DNAJC5B: variants seen among roughly 807,000 people sequenced by gnomAD.
The protein encoded by DNAJC5B is dnaJ homolog subfamily C member 5B.
Under a neutral mutation model 24.7 loss-of-function variants are expected in DNAJC5B, and 23 were observed. The ratio of observed to expected loss-of-function variants is 0.93; its 90% CI spans 0.67 to 1.32. The LOEUF is 1.32. DNAJC5B is among the 40% of genes most tolerant of loss of function. The pLI, the probability that DNAJC5B is intolerant of heterozygous loss-of-function variation, is 0.00. For synonymous variants in DNAJC5B, 101 were observed against 90.1 expected (o/e 1.12, Z -0.68); for missense variants, 238 against 240.8 (o/e 0.99, Z 0.08).
chr8:66,060,784 G>A (rs562910168), intron 3 of DNAJC5B, among the ~76,000 whole-genome samples: 1 of 152,298 alleles, frequency 6.6e-6, no homozygotes, highest in South Asian at 2.1e-4. Context: ...ACTATCAATG[G>A]CTTTATACCA....
chr8:66,020,347 T>C (rs1242374897), upstream of DNAJC5B, among the ~76,000 whole-genome samples: 3 of 152,236 alleles, frequency 2.0e-5, no homozygotes, highest in Non-Finnish European at 4.4e-5. Context: ...ATGTTATTGG[T>C]ATTATGAAAG....
chr8:66,065,171 T>C (rs1016477385), intron 3 of DNAJC5B, among the ~76,000 whole-genome samples: 2 of 152,244 alleles, frequency 1.3e-5, no homozygotes, highest in Non-Finnish European at 2.9e-5. Flanking sequence ...ACCAATTCTC[T>C]GAAACAGATC....
At chr8:66,070,308 C>T (rs1369740791) in intron 3 of DNAJC5B, among the ~76,000 whole-genome samples, 2 of 152,160 alleles carry the variant, frequency 1.3e-5, no homozygotes, top group African/African-American at 2.4e-5. Flanking sequence ...ATTTAGAAAA[C>T]CCCATTGTCT....
At chr8:66,052,407 A>G (rs117230494) in intron 3 of DNAJC5B, among the ~76,000 whole-genome samples, 4,954 of 152,266 alleles carry the variant, frequency 0.033, 120 homozygotes, top group Middle Eastern at 0.082. Context: ...CAAGTTAGCT[A>G]TTTTTGGAAA....
At chr8:66,050,934 CAGT>C (rs898907510) in intron 2 of DNAJC5B, among the ~76,000 whole-genome samples, 1 of 152,194 alleles carries the variant, frequency 6.6e-6, no homozygotes, top group African/African-American at 2.4e-5. Flanking sequence ...TTAGCATACA[CAGT>C]AGCTCATTTC....
At chr8:66,054,810 C>G (rs1015596379) in intron 3 of DNAJC5B, among the ~76,000 whole-genome samples, 2 of 152,168 alleles carry the variant, frequency 1.3e-5, no homozygotes, top group Admixed American at 1.3e-4. Context: ...CTGCCCACAC[C>G]TGTTGGTGGA....
chr8:66,076,259 T>C (rs1807458900), intron 3 of DNAJC5B, among the ~76,000 whole-genome samples: 1 of 152,226 alleles, frequency 6.6e-6, no homozygotes, highest in Non-Finnish European at 1.5e-5. Context: ...GTTCTGTTAA[T>C]TCTGGAAAAT....
At chr8:66,016,860 C>T (rs1478688303), upstream of DNAJC5B, among the ~76,000 whole-genome samples, 3 of 152,114 alleles carry the variant, frequency 2.0e-5, no homozygotes, top group African/African-American at 7.2e-5. Flanking sequence ...AAAGTTAGAC[C>T]AATATTAGCA....
intron 3 of DNAJC5B, among the ~76,000 whole-genome samples, chr8:66,058,384 T>C (rs896250208): frequency 2.0e-5 from 3 of 152,334 alleles, no homozygotes; most frequent in African/African-American, 7.2e-5. Context: ...TGGTTCCTGA[T>C]CCCTTTTCCA....
chr8:66,047,324 C>A (rs1177860891), intron 2 of DNAJC5B, among the ~76,000 whole-genome samples: 5 of 152,184 alleles, frequency 3.3e-5, no homozygotes, highest in Non-Finnish European at 7.3e-5. Context: ...TCTCTGCCTG[C>A]CCATGTCTGC....
chr8:66,087,712 A>T (rs1002813234), intron 5 of DNAJC5B, among the ~76,000 whole-genome samples: 6 of 152,250 alleles, frequency 3.9e-5, no homozygotes, highest in African/African-American at 1.4e-4. Context: ...CTGGCTGGGC[A>T]GTCATTAAAT....
chr8:66,039,570 G>A (rs1012925270), intron 1 of DNAJC5B, among the ~76,000 whole-genome samples: 17 of 152,086 alleles, frequency 1.1e-4, no homozygotes, highest in Middle Eastern at 3.4e-3. Flanking sequence ...GGCTGGTCTC[G>A]AGCTCCCGAC....
intron 1 of DNAJC5B, among the ~76,000 whole-genome samples, chr8:66,035,045 G>A (rs2128956947): frequency 6.6e-6 from 1 of 152,278 alleles, no homozygotes; most frequent in South Asian, 2.1e-4. Context: ...ATAGCCCCAA[G>A]GGCATGGTTA....
At chr8:66,028,883 A>G (rs1806302476) in intron 1 of DNAJC5B, among the ~76,000 whole-genome samples, 1 of 152,172 alleles carries the variant, frequency 6.6e-6, no homozygotes, top group Non-Finnish European at 1.5e-5. Flanking sequence ...AACGAGGACT[A>G]AACTCCTTTG....
At chr8:66,043,007 G>T (rs1166291431) in intron 1 of DNAJC5B, among the ~76,000 whole-genome samples, 2 of 152,070 alleles carry the variant, frequency 1.3e-5, no homozygotes, top group African/African-American at 4.8e-5. Flanking sequence ...CATAGGAATT[G>T]TTGTCTCACG....
intron 5 of DNAJC5B, among the ~76,000 whole-genome samples, chr8:66,098,131 G>T (rs1267979868): frequency 1.3e-5 from 2 of 152,152 alleles, no homozygotes; most frequent in Non-Finnish European, 2.9e-5. Flanking sequence ...TGGGATTACA[G>T]GCGTGAGCCA....
At chr8:66,042,619 TCTTCTCCTTCTC>T (rs1377072574) in intron 1 of DNAJC5B, among the ~76,000 whole-genome samples, 1 of 147,670 alleles carries the variant, frequency 6.8e-6, no homozygotes, top group Non-Finnish European at 1.5e-5. Context: ...TTCTTCTTCT[TCTTCTCCTTCTC>T]CTTCTCCTTC....
At chr8:66,061,555 A>T (rs1807080515) in intron 3 of DNAJC5B, among the ~76,000 whole-genome samples, 1 of 151,826 alleles carries the variant, frequency 6.6e-6, no homozygotes, top group South Asian at 2.1e-4. Context: ...TGACGTGCCA[A>T]GAAGTGTTGA....
intron 5 of DNAJC5B, among the ~76,000 whole-genome samples, chr8:66,081,976 T>C (rs1252058870): frequency 6.6e-6 from 1 of 152,034 alleles, no homozygotes; most frequent in East Asian, 1.9e-4. Context: ...TACAAGTAAA[T>C]GGGTTAAGGA....
Sources: gnomAD v4.1 joint callset for allele counts (sites outside exome capture counted in the v4.1 genomes callset) on GRCh38, gnomAD v4.1.1 for gene constraint, MANE v1.5 for transcripts, NCBI Gene and HGNC (gene_info 2026-07-23, HGNC 2026-07-21) for gene names.